Variants in PARVA observed in about 807,000 individuals in gnomAD.
PARVA encodes the protein alpha-parvin.
PARVA carries 25 observed loss-of-function variants against 52.6 expected under a neutral mutation model. That is an observed-to-expected ratio of 0.48 (90% CI 0.35 to 0.66). The LOEUF is 0.66. PARVA is among the 30% of genes least tolerant of loss of function. The pLI, the probability that PARVA is intolerant of heterozygous loss-of-function variation, is 0.01. For synonymous variants in PARVA, 185 were observed against 179.1 expected, an observed-to-expected ratio of 1.03 and a Z score of -0.26; for missense variants, 373 against 450.9, an observed-to-expected ratio of 0.83 and a Z score of 1.56.
intron 4 of PARVA, among the ~76,000 whole-genome samples, chr11:12,487,259 A>G (rs746368471): frequency 4.9e-4 from 74 of 152,322 alleles, no homozygotes; most frequent in Middle Eastern, 6.8e-3. Flanking sequence ...TCACTTTTCT[A>G]TGCCCTAAAA....
At chr11:12,426,014 T>C (rs958930001) in intron 1 of PARVA, among the ~76,000 whole-genome samples, 21 of 152,144 alleles carry the variant, frequency 1.4e-4, no homozygotes, top group Non-Finnish European at 1.9e-4. Flanking sequence ...CAACAGATGA[T>C]TGAGTACCTC....
intron 1 of PARVA, among the ~76,000 whole-genome samples, chr11:12,437,122 GTTTAT>G (rs1210520484): frequency 3.3e-5 from 5 of 152,088 alleles, no homozygotes; most frequent in African/African-American, 7.2e-5. Flanking sequence ...TTTTATAGTA[GTTTAT>G]TTTATTATAT....
chr11:12,407,931 T>G (rs1939937332), intron 1 of PARVA, among the ~76,000 whole-genome samples: 1 of 152,270 alleles, frequency 6.6e-6, no homozygotes, highest in Admixed American at 6.5e-5. Flanking sequence ...GCTTCTCTGT[T>G]GTTCAGGAAC....
At chr11:12,388,739 A>G (rs921556278) in intron 1 of PARVA, among the ~76,000 whole-genome samples, 4 of 151,582 alleles carry the variant, frequency 2.6e-5, no homozygotes, top group South Asian at 2.1e-4. Flanking sequence ...TGTTGTAAAG[A>G]TAAGTTTTTT....
At chr11:12,386,886 C>T (rs1158732957) in intron 1 of PARVA, among the ~76,000 whole-genome samples, 1 of 152,222 alleles carries the variant, frequency 6.6e-6, no homozygotes, top group African/African-American at 2.4e-5. Flanking sequence ...TTTCTTTCCT[C>T]TACTAATGAA....
chr11:12,409,521 A>C (rs1435813669), intron 1 of PARVA, among the ~76,000 whole-genome samples: 2 of 152,228 alleles, frequency 1.3e-5, no homozygotes, highest in Admixed American at 1.3e-4. Context: ...AAGTGTCCTT[A>C]AAAGTGGAAG....
At chr11:12,501,498 T>C (rs1941363222) in intron 5 of PARVA, among the ~76,000 whole-genome samples, 2 of 152,098 alleles carry the variant, frequency 1.3e-5, no homozygotes, top group African/African-American at 2.4e-5. Flanking sequence ...CAAGAAGTCA[T>C]GGGTAGGCTG....
intron 1 of PARVA, among the ~76,000 whole-genome samples, chr11:12,391,856 T>A (rs559227398): frequency 6.6e-6 from 1 of 152,344 alleles, no homozygotes; most frequent in African/African-American, 2.4e-5. Flanking sequence ...GGCACTTTTT[T>A]AATATAGCAG....
At chr11:12,435,688 T>C (rs1199625115) in intron 1 of PARVA, among the ~76,000 whole-genome samples, 1 of 152,130 alleles carries the variant, frequency 6.6e-6, no homozygotes, top group Non-Finnish European at 1.5e-5. Flanking sequence ...GTGGAAACAG[T>C]GTAGGGTTTG....
At chr11:12,381,100 G>A (rs1939478855) in intron 1 of PARVA, among the ~76,000 whole-genome samples, 2 of 152,314 alleles carry the variant, frequency 1.3e-5, no homozygotes, top group South Asian at 2.1e-4. Context: ...TGCTTGCTGC[G>A]GCATATGGTA....
rs1941723308 is a variant in PARVA at position 12,527,878 on chromosome 11, C to T, written c.1072C>T (p.Leu358=). 1 of 1,613,390 alleles carries T rather than the reference C, an allele frequency of 6.2e-7. No individual in the cohort carries two copies. The highest frequency in any genetic ancestry group is 8.5e-7 in the Non-Finnish European group (1 of 1,179,684). Residue 358 remains leucine (L), a synonymous_variant, in exon 13 of 13, where the codon CTA becomes TTA. Transcript: ENST00000334956. ...DIVNCDLKST[L]RVLYNLFTKY... ...AGTCAACTGTGACCTGAAATCTACA[C>T]TACGAGTGTTGTACAACCTCTTCAC...
intron 1 of PARVA, among the ~76,000 whole-genome samples, chr11:12,391,596 G>A (rs1423696469): frequency 1.3e-5 from 2 of 152,164 alleles, no homozygotes; most frequent in South Asian, 2.1e-4. Context: ...GAGTGTGGAC[G>A]ACAATTTCAT....
At chr11:12,522,418 A>G (rs530924585) in intron 12 of PARVA, among the ~76,000 whole-genome samples, 4 of 76,236 alleles carry the variant, frequency 5.2e-5, no homozygotes, top group Non-Finnish European at 7.9e-5. Flanking sequence ...CAAGAGCTTT[A>G]TTCTTTTTTT....
chr11:12,433,902 A>G (rs933827627), intron 1 of PARVA, among the ~76,000 whole-genome samples: 1 of 152,198 alleles, frequency 6.6e-6, no homozygotes, highest in Non-Finnish European at 1.5e-5. Flanking sequence ...AAGTGTGGAA[A>G]ATTGACCACA....
intron 5 of PARVA, among the ~76,000 whole-genome samples, chr11:12,498,343 G>T (rs1400139432): frequency 6.6e-6 from 1 of 152,060 alleles, no homozygotes; most frequent in Non-Finnish European, 1.5e-5. Context: ...GCCTAGAACA[G>T]GGTCTTTTAA....
At chr11:12,436,915 T>G (rs902832598) in intron 1 of PARVA, among the ~76,000 whole-genome samples, 2 of 152,212 alleles carry the variant, frequency 1.3e-5, no homozygotes, top group African/African-American at 4.8e-5. Context: ...AATATGGGGA[T>G]ACTATGAAAA....
At chr11:12,462,421 A>T (rs1940795368) in intron 1 of PARVA, among the ~76,000 whole-genome samples, 1 of 152,138 alleles carries the variant, frequency 6.6e-6, no homozygotes, top group Non-Finnish European at 1.5e-5. Flanking sequence ...TTTGAGATGG[A>T]GGAAAGGGAC....
chr11:12,417,420 T>G (rs1940082920), intron 1 of PARVA, among the ~76,000 whole-genome samples: 1 of 152,204 alleles, frequency 6.6e-6, no homozygotes, highest in Non-Finnish European at 1.5e-5. Flanking sequence ...TATTTATATA[T>G]TTGTAAGGGT....
chr11:12,519,707 G>T (rs1292205061), intron 12 of PARVA, among the ~76,000 whole-genome samples: 1 of 152,106 alleles, frequency 6.6e-6, no homozygotes, highest in East Asian at 1.9e-4. Flanking sequence ...GGAAGAATGG[G>T]GACCCTGTCT....
Sources: gnomAD v4.1 joint callset for allele counts (sites outside exome capture counted in the v4.1 genomes callset) on GRCh38, gnomAD v4.1.1 for gene constraint, MANE v1.5 for transcripts, NCBI Gene and HGNC (gene_info 2026-07-23, HGNC 2026-07-21) for gene names.